The following ATOSA variants were observed in gnomAD, a reference collection of about 807,000 sequenced individuals.
The protein encoded by ATOSA is atos homolog A.
the ATOSA span, among the ~76,000 whole-genome samples, chr15:52,700,590 C>A: frequency 6.6e-6 from 1 of 152,186 alleles, no homozygotes; most frequent in South Asian, 2.1e-4. Flanking sequence ...AAGCAACTAC[C>A]CTTCATATTT....
chr15:52,632,381 T>C, the ATOSA span, among the ~76,000 whole-genome samples: 12 of 152,188 alleles, frequency 7.9e-5, no homozygotes, highest in East Asian at 2.1e-3. Flanking sequence ...TCCAAAATTA[T>C]AACTAATTTT....
the ATOSA span, among the ~76,000 whole-genome samples, chr15:52,688,059 C>T: frequency 6.6e-6 from 1 of 152,178 alleles, no homozygotes; most frequent in Admixed American, 6.5e-5. Context: ...CACATCAACC[C>T]AATTTTGATT....
the ATOSA span, chr15:52,584,979 T>C: frequency 7.9e-6 from 12 of 1,513,568 alleles, no homozygotes; most frequent in East Asian, 9.7e-5. Flanking sequence ...TCTTTAAAAA[T>C]AGTGATTTGT....
chr15:52,597,185 A>G, the ATOSA span, among the ~76,000 whole-genome samples: 1,909 of 55,184 alleles, frequency 0.035, 44 homozygotes, highest in Middle Eastern at 0.049. Context: ...ATTCTATTCT[A>G]TTCTATTCTA....
the ATOSA span, among the ~76,000 whole-genome samples, chr15:52,624,895 AG>A: frequency 6.6e-6 from 1 of 151,262 alleles, no homozygotes; most frequent in African/African-American, 2.4e-5. Flanking sequence ...TTCCTGCCTC[AG>A]CCTCCAGAGT....
chr15:52,689,816 A>C, the ATOSA span, among the ~76,000 whole-genome samples: 4 of 152,218 alleles, frequency 2.6e-5, no homozygotes, highest in African/African-American at 9.6e-5. Flanking sequence ...TCAGACATGC[A>C]GAGTTAGTAG....
chr15:52,592,009 T>C, the ATOSA span, among the ~76,000 whole-genome samples: 1 of 152,192 alleles, frequency 6.6e-6, no homozygotes, highest in Non-Finnish European at 1.5e-5. Flanking sequence ...AGCTCTTGAC[T>C]AAAATCTTCA....
chr15:52,668,861 T>G, the ATOSA span, among the ~76,000 whole-genome samples: 1 of 132,958 alleles, frequency 7.5e-6, no homozygotes, highest in Admixed American at 8.8e-5. Flanking sequence ...TATGAAAAGG[T>G]AAATGGATGT....
chr15:52,613,624 T>TAA, the ATOSA span: 12 of 1,534,128 alleles, frequency 7.8e-6, no homozygotes, highest in Non-Finnish European at 8.9e-6. Context: ...ATGATGAACA[T>TAA]AAACTAGTTT....
At chr15:52,600,785 C>G in the ATOSA span, among the ~76,000 whole-genome samples, 2 of 150,382 alleles carry the variant, frequency 1.3e-5, no homozygotes, top group African/African-American at 4.9e-5. Flanking sequence ...AAAAAAATGG[C>G]CAAGGTTGTT....
the ATOSA span, among the ~76,000 whole-genome samples, chr15:52,660,076 T>G: frequency 6.6e-6 from 1 of 152,184 alleles, no homozygotes; most frequent in Non-Finnish European, 1.5e-5. Context: ...AAGCGTGAAT[T>G]TTGTATTTCA....
chr15:52,590,162 GATT>G, the ATOSA span, among the ~76,000 whole-genome samples: 1 of 152,170 alleles, frequency 6.6e-6, no homozygotes, highest in Non-Finnish European at 1.5e-5. Context: ...AAATTGCTCA[GATT>G]ATTATGGAAT....
chr15:52,670,953 T>G, the ATOSA span, among the ~76,000 whole-genome samples: 1 of 152,216 alleles, frequency 6.6e-6, no homozygotes, highest in Non-Finnish European at 1.5e-5. Flanking sequence ...TTTGAGTTTT[T>G]TTTCCATTAG....
the ATOSA span, among the ~76,000 whole-genome samples, chr15:52,594,502 C>A: frequency 2.6e-5 from 4 of 152,242 alleles, no homozygotes; most frequent in Middle Eastern, 6.8e-3. Context: ...TTGATTAATT[C>A]TTTGAAAAGA....
At chr15:52,613,381 T>C in the ATOSA span, among the ~76,000 whole-genome samples, 1 of 152,062 alleles carries the variant, frequency 6.6e-6, no homozygotes, top group Admixed American at 6.5e-5. Context: ...TATAAATAAA[T>C]AAAGTAAAAT....
At chr15:52,636,336 G>A in the ATOSA span, among the ~76,000 whole-genome samples, 1 of 152,066 alleles carries the variant, frequency 6.6e-6, no homozygotes, top group South Asian at 2.1e-4. Context: ...CTGAAATGAG[G>A]TTACCAAGTG....
chr15:52,678,871 A>C, the ATOSA span: 5 of 152,784 alleles, frequency 3.3e-5, no homozygotes, highest in African/African-American at 9.7e-5. Flanking sequence ...AGTTGTTTTC[A>C]TGGCGCTCTC....
At chr15:52,615,230 G>C in the ATOSA span, among the ~76,000 whole-genome samples, 1 of 152,156 alleles carries the variant, frequency 6.6e-6, no homozygotes, top group African/African-American at 2.4e-5. Flanking sequence ...CTAATCTGTG[G>C]ATTTTTTTCA....
At chr15:52,637,170 G>A in the ATOSA span, among the ~76,000 whole-genome samples, 1 of 152,080 alleles carries the variant, frequency 6.6e-6, no homozygotes, top group African/African-American at 2.4e-5. Flanking sequence ...AAACATCAAA[G>A]TCCTATGGGC....
Sources: allele counts gnomAD v4.1 joint callset (sites outside exome capture counted in the v4.1 genomes callset), GRCh38; gene constraint gnomAD v4.1.1; transcripts MANE v1.5; gene names NCBI Gene and HGNC (gene_info 2026-07-23, HGNC 2026-07-21).